RSPO3: variants seen among roughly 807,000 people sequenced by gnomAD.
RSPO3 encodes the protein R-spondin 3.
RSPO3 carries 17 observed loss-of-function variants against 36.5 expected under a neutral mutation model. The ratio of observed to expected loss-of-function variants is 0.47; its 90% confidence interval spans 0.32 to 0.70. The LOEUF (loss-of-function observed/expected upper bound fraction) is 0.70, where lower values mean the gene tolerates loss of function less well. Among genes scored for constraint, RSPO3 ranks in the 30% least tolerant of loss-of-function variants. The probability of loss-of-function intolerance (pLI) is 0.04; values close to 1 mark genes in which losing one functional copy is unlikely to be tolerated. For missense variants in RSPO3, 294 were observed against 322.5 expected (o/e 0.91, Z 0.68); for synonymous variants, 108 against 107.0 (o/e 1.01, Z -0.06).
chr6:127,170,546 T>C (rs1774915425), intron 4 of RSPO3, among the ~76,000 whole-genome samples: 1 of 151,532 alleles, frequency 6.6e-6, no homozygotes, highest in Non-Finnish European at 1.5e-5. Flanking sequence ...GAATTGAAAA[T>C]AGAATCTCAA....
At chr6:127,193,200 ATAAAGT>A (rs1223292535) in intron 4 of RSPO3, among the ~76,000 whole-genome samples, 1 of 152,202 alleles carries the variant, frequency 6.6e-6, no homozygotes, top group African/African-American at 2.4e-5. Flanking sequence ...TTCCTTGGAC[ATAAAGT>A]TATAATACCG....
intron 1 of RSPO3, among the ~76,000 whole-genome samples, chr6:127,137,888 A>C (rs371204105): frequency 4.6e-5 from 7 of 152,316 alleles, no homozygotes; most frequent in African/African-American, 1.7e-4. Context: ...TTATCTTATT[A>C]ATTGTATTGT....
chr6:127,150,641 C>G, intron 3 of RSPO3, 69 bp downstream of exon 3: 4 of 1,480,074 alleles, frequency 2.7e-6, no homozygotes, highest in Non-Finnish European at 2.7e-6. Flanking sequence ...TTTCAAAGTC[C>G]TTTGCCAAAA....
Position 127,197,575 on chromosome 6 carries a change from C to T in RSPO3, c.*1568C>T. 1 of 1,540,696 alleles carries T rather than the reference C, an allele frequency of 6.5e-7. No individual in the cohort carries two copies. Among genetic ancestry groups the T allele is most frequent in the Non-Finnish European group, 8.7e-7 (1 of 1,143,302 alleles). ...GTTGTCATGGAAGGATGCACGGCTGCTCTGTCCACTGTGATTCCTAGCCCT... is the reference window on the plus strand; with the variant it reads ...GTTGTCATGGAAGGATGCACGGCTGTTCTGTCCACTGTGATTCCTAGCCCT... On this transcript the variant is annotated 3_prime_UTR_variant, in exon 5 of 5. Coordinates refer to ENST00000356698, the MANE Select transcript of RSPO3 (RefSeq NM_032784.5).
In RSPO3 at chr6:127,178,424, T is replaced by C. The variant is rs760317734; in HGVS notation, c.635-17399T>C. On this transcript the variant is annotated intron_variant, in intron 4 of 4. Transcript: ENST00000356698. Reference sequence around the variant, plus strand: ...TATCCCTTCAAAGATTCTCCTAAAATGATTTGTAATCTGGCAAATAAAAAT... The same window carrying C: ...TATCCCTTCAAAGATTCTCCTAAAACGATTTGTAATCTGGCAAATAAAAAT... Among the ~76,000 whole-genome samples, 8 of 151,892 alleles carry C rather than the reference T, an allele frequency of 5.3e-5. No homozygotes were observed. In the Middle Eastern group the frequency reaches 0.02, roughly 387 times the overall value.
chr6:127,141,608 G>A (rs1034437406), intron 1 of RSPO3, among the ~76,000 whole-genome samples: 1 of 152,090 alleles, frequency 6.6e-6, no homozygotes, highest in Non-Finnish European at 1.5e-5. Context: ...TAATGGTGGC[G>A]CACCAACTGG....
intron 1 of RSPO3, among the ~76,000 whole-genome samples, chr6:127,142,984 T>A (rs1215689719): frequency 3.8e-5 from 1 of 26,130 alleles, no homozygotes; most frequent in Non-Finnish European, 8.4e-5. Context: ...CCCAGCTAAT[T>A]TTTTTTTTTT....
chr6:127,169,841 C>G (rs1016953848), intron 4 of RSPO3, among the ~76,000 whole-genome samples: 1 of 129,834 alleles, frequency 7.7e-6, no homozygotes, highest in Non-Finnish European at 1.7e-5. Context: ...ACTGTGCTTA[C>G]TTGCTTCTTT....
At chr6:127,161,081 T>A (rs1256023457) in intron 4 of RSPO3, among the ~76,000 whole-genome samples, 1 of 152,102 alleles carries the variant, frequency 6.6e-6, no homozygotes, top group African/African-American at 2.4e-5. Context: ...GAATTTATTA[T>A]CCATGTAGGT....
At chr6:127,175,936 A>G (rs1456291466) in intron 4 of RSPO3, among the ~76,000 whole-genome samples, 1 of 151,774 alleles carries the variant, frequency 6.6e-6, no homozygotes, top group Non-Finnish European at 1.5e-5. Flanking sequence ...TTGTTTTCTT[A>G]TAAGAATTGT....
chr6:127,190,485 C>T (rs1281733359), intron 4 of RSPO3, among the ~76,000 whole-genome samples: 1 of 152,110 alleles, frequency 6.6e-6, no homozygotes, highest in Admixed American at 6.6e-5. Flanking sequence ...ATTCTCTATA[C>T]ATAATAATCA....
At chr6:127,147,881 G>A (rs562654433) in intron 1 of RSPO3, among the ~76,000 whole-genome samples, 1 of 152,140 alleles carries the variant, frequency 6.6e-6, no homozygotes, top group East Asian at 1.9e-4. Context: ...AGAAAATATT[G>A]AACATAAATT....
intron 4 of RSPO3, among the ~76,000 whole-genome samples, chr6:127,167,824 T>C (rs753054301): frequency 2.0e-5 from 3 of 151,898 alleles, no homozygotes; most frequent in Non-Finnish European, 4.4e-5. Flanking sequence ...AGTGTTCTCA[T>C]TGTTCAATTC....
chr6:127,121,746 A>G (rs1345919718), intron 1 of RSPO3, among the ~76,000 whole-genome samples: 1 of 152,224 alleles, frequency 6.6e-6, no homozygotes, highest in African/African-American at 2.4e-5. Context: ...TCTGGGGGAA[A>G]AAAACGAACA....
intron 4 of RSPO3, among the ~76,000 whole-genome samples, chr6:127,190,532 C>T (rs1775388693): frequency 6.6e-6 from 1 of 152,124 alleles, no homozygotes; most frequent in African/African-American, 2.4e-5. Flanking sequence ...AAGATCAACC[C>T]CTTTTTCACA....
At chr6:127,192,796 A>G (rs1045086311) in intron 4 of RSPO3, 8 of 599,350 alleles carry the variant, frequency 1.3e-5, no homozygotes, top group East Asian at 1.4e-4. Flanking sequence ...ATGTGTGTGT[A>G]TATATGTCAG....
intron 4 of RSPO3, among the ~76,000 whole-genome samples, chr6:127,175,718 C>A (rs754057811): frequency 5.9e-5 from 9 of 151,670 alleles, no homozygotes; most frequent in Non-Finnish European, 1.3e-4. Context: ...TGGCCTTAAA[C>A]TGATTTTGTT....
At chr6:127,178,077 T>C (rs1775092527) in intron 4 of RSPO3, among the ~76,000 whole-genome samples, 1 of 151,798 alleles carries the variant, frequency 6.6e-6, no homozygotes, top group Admixed American at 6.6e-5. Context: ...CTGTGCAGTA[T>C]ATGAGAGATC....
chr6:127,190,230 C>G (rs1775381000), intron 4 of RSPO3, among the ~76,000 whole-genome samples: 1 of 152,022 alleles, frequency 6.6e-6, no homozygotes, highest in Non-Finnish European at 1.5e-5. Context: ...TCAAGACCAG[C>G]CTGACCGACA....
Sources: gnomAD v4.1 joint callset for allele counts (sites outside exome capture counted in the v4.1 genomes callset) on GRCh38, gnomAD v4.1.1 for gene constraint, MANE v1.5 for transcripts, NCBI Gene and HGNC (gene_info 2026-07-23, HGNC 2026-07-21) for gene names.